The following ATP8B4 variants were observed in gnomAD, a reference collection of about 807,000 sequenced individuals.
ATP8B4 encodes the protein probable phospholipid-transporting ATPase IM.
Under a neutral mutation model 145.6 loss-of-function variants are expected in ATP8B4, and 133 were observed. The observed-to-expected ratio is 0.91, with a 90% CI of 0.79 to 1.05. The LOEUF (loss-of-function observed/expected upper bound fraction) is 1.05. ATP8B4 is among the 50% of genes least tolerant of loss of function. The pLI is 0.00. For synonymous variants in ATP8B4, 507 were observed against 492.9 expected, an observed-to-expected ratio of 1.03 and a Z score of -0.38; for missense variants, 1,458 against 1,425.2, an observed-to-expected ratio of 1.02 and a Z score of -0.37.
At chr15:49,868,615 G>A (rs542708614) in intron 25 of ATP8B4, among the ~76,000 whole-genome samples, 1 of 152,264 alleles carries the variant, frequency 6.6e-6, no homozygotes, top group South Asian at 2.1e-4. Context: ...TACAGGAGGA[G>A]CATTTAATAA....
chr15:49,911,286 C>T (rs1286028982), intron 20 of ATP8B4, among the ~76,000 whole-genome samples: 4 of 152,004 alleles, frequency 2.6e-5, no homozygotes, highest in Non-Finnish European at 4.4e-5. Flanking sequence ...ACTCCTTAAC[C>T]TGTAAAGACA....
intron 3 of ATP8B4, among the ~76,000 whole-genome samples, chr15:50,062,449 G>C (rs1337110435): frequency 6.6e-6 from 1 of 152,070 alleles, no homozygotes; most frequent in Non-Finnish European, 1.5e-5. Context: ...TTGTAGAACT[G>C]AGCCAATTAA....
chr15:50,056,385 C>T (rs1256401528), intron 3 of ATP8B4, among the ~76,000 whole-genome samples: 1 of 152,148 alleles, frequency 6.6e-6, no homozygotes, highest in African/African-American at 2.4e-5. Context: ...AACTTGTAAA[C>T]TGATGACACA....
chr15:49,945,451 A>G (rs1271988332), intron 14 of ATP8B4, among the ~76,000 whole-genome samples: 1 of 152,162 alleles, frequency 6.6e-6, no homozygotes, highest in Non-Finnish European at 1.5e-5. Context: ...ATTAATGCCA[A>G]TCCTACTCAA....
intron 1 of ATP8B4, among the ~76,000 whole-genome samples, chr15:50,170,861 A>G (rs1288390054): frequency 6.6e-6 from 1 of 152,230 alleles, no homozygotes; most frequent in East Asian, 1.9e-4. Flanking sequence ...ATGGGGTGGA[A>G]AGAGGTGTTT....
intron 2 of ATP8B4, among the ~76,000 whole-genome samples, chr15:50,094,366 G>A (rs146540353): frequency 1.4e-4 from 21 of 152,098 alleles, no homozygotes; most frequent in Non-Finnish European, 2.8e-4. Flanking sequence ...CTGGCATTTG[G>A]ACTGAAATCA....
intron 1 of ATP8B4, among the ~76,000 whole-genome samples, chr15:50,133,368 C>G (rs2044074868): frequency 6.6e-6 from 1 of 151,874 alleles, no homozygotes; most frequent in Non-Finnish European, 1.5e-5. Context: ...TGCTTGAGCC[C>G]AGGAGTTTGA....
chr15:49,922,302 A>T (rs1161907668), intron 17 of ATP8B4: 1 of 348,864 alleles, frequency 2.9e-6, no homozygotes, highest in African/African-American at 2.2e-5. Flanking sequence ...AGGAGAATGT[A>T]TGAAAAACCA....
At chr15:49,879,167 C>G (rs1003131024) in intron 24 of ATP8B4, among the ~76,000 whole-genome samples, 50 of 152,268 alleles carry the variant, frequency 3.3e-4, no homozygotes, top group African/African-American at 1.2e-3. Flanking sequence ...GAGTAACCAA[C>G]TTTTATCAAA....
At chr15:49,903,256 A>G (rs140850407) in intron 20 of ATP8B4, among the ~76,000 whole-genome samples, 275 of 152,350 alleles carry the variant, frequency 1.8e-3, no homozygotes, top group Admixed American at 3.8e-3. Flanking sequence ...TTAGGAAGGG[A>G]AAAAGCTACA....
rs190946243 is a variant in ATP8B4 at position 49,892,324 on chromosome 15, C to T, written c.2697+4968G>A. ...ATAAAAGTTGAGATATATTCACATACAAATATTTTTATAAGATGAAAAAAA... is the reference window on the plus strand; with the variant it reads ...ATAAAAGTTGAGATATATTCACATATAAATATTTTTATAAGATGAAAAAAA... On this transcript the variant is annotated intron_variant, in intron 23 of 27. Coordinates refer to ENST00000284509, the MANE Select transcript of ATP8B4 (RefSeq NM_024837.4). Among the ~76,000 whole-genome samples the T allele has an allele frequency of 2.0e-3, 302 of 151,926 alleles. 1 individual carries two copies. The highest frequency in any genetic ancestry group is 6.7e-3 in the African/African-American group (279 of 41,418).
chr15:50,179,133 AAC>A (rs778176492), intron 1 of ATP8B4, among the ~76,000 whole-genome samples: 17 of 152,214 alleles, frequency 1.1e-4, no homozygotes, highest in Admixed American at 2.0e-4. Flanking sequence ...CTTGAAAAGG[AAC>A]AGTTAGAATT....
Position 49,901,142 on chromosome 15 carries a change from C to T in ATP8B4, c.2239G>A (p.Glu747Lys). Reference protein sequence around the residue: ...KQQLELDSIVEETITGDYALI... With the variant: ...KQQLELDSIVKETITGDYALI... ...GCATAATCTCCTGTTATGGTTTCTT[C>T]TACAATAGAATCCAACTCCAGCTGC... Residue 747 changes from glutamate (E) to lysine (K), a missense_variant, in exon 21 of 28, where the codon GAA becomes AAA. Transcript: ENST00000284509. 6.2e-7 allele frequency: 1 copy of T among 1,613,564 alleles called. No homozygotes were observed. The highest frequency in any genetic ancestry group is 8.5e-7 in the Non-Finnish European group (1 of 1,179,638).
At chr15:49,908,113 A>G (rs2038824096) in intron 20 of ATP8B4, 1 of 456,078 alleles carries the variant, frequency 2.2e-6, no homozygotes, top group Non-Finnish European at 4.4e-6. Context: ...TGAGTTTCTT[A>G]AGAACAAAAT....
intron 3 of ATP8B4, among the ~76,000 whole-genome samples, chr15:50,054,877 T>G (rs1438478364): frequency 6.6e-6 from 1 of 151,174 alleles, no homozygotes; most frequent in East Asian, 1.9e-4. Flanking sequence ...GTAATATTCC[T>G]TTGACTATTT....
intron 3 of ATP8B4, among the ~76,000 whole-genome samples, chr15:50,073,824 A>G (rs2054003073): frequency 6.6e-6 from 1 of 152,204 alleles, no homozygotes; most frequent in South Asian, 2.1e-4. Context: ...CCATTTTCAT[A>G]TTATTCCTAT....
At chr15:50,125,137 A>C (rs377486315) in intron 1 of ATP8B4, among the ~76,000 whole-genome samples, 2 of 152,172 alleles carry the variant, frequency 1.3e-5, no homozygotes, top group South Asian at 2.1e-4. Context: ...TCCTTCCAAC[A>C]ATCAGGGCAT....
chr15:50,001,134 T>C (rs1457305633), intron 8 of ATP8B4, among the ~76,000 whole-genome samples: 1 of 152,042 alleles, frequency 6.6e-6, no homozygotes, highest in Non-Finnish European at 1.5e-5. Flanking sequence ...TCTGTGTCGT[T>C]GATTTTCTTT....
intron 2 of ATP8B4, among the ~76,000 whole-genome samples, chr15:50,079,854 C>T (rs1319388398): frequency 6.6e-6 from 1 of 152,198 alleles, no homozygotes; most frequent in Admixed American, 6.5e-5. Context: ...GATTGAACTT[C>T]CTGGAACATA....
Sources: allele counts gnomAD v4.1 joint callset (sites outside exome capture counted in the v4.1 genomes callset), GRCh38; gene constraint gnomAD v4.1.1; transcripts MANE v1.5; gene names NCBI Gene and HGNC (gene_info 2026-07-23, HGNC 2026-07-21).